The following PRELID2 variants were observed in gnomAD, a reference collection of about 807,000 sequenced individuals.
The protein encoded by PRELID2 is PRELI domain containing 2, also known as PRELI domain-containing protein 2.
PRELID2 carries 25 observed loss-of-function variants against 28.4 expected under a neutral mutation model. That is an observed-to-expected ratio of 0.88 (90% confidence interval 0.64 to 1.23). PRELID2 has a LOEUF of 1.23. Among genes scored for constraint, PRELID2 ranks in the 50% most tolerant of loss-of-function variants. PRELID2 has a pLI of 0.00. For synonymous variants in PRELID2, 76 were observed against 71.6 expected, an observed-to-expected ratio of 1.06 and a Z score of -0.31; for missense variants, 201 against 214.4, an observed-to-expected ratio of 0.94 and a Z score of 0.39.
At chr5:145,610,202 A>G (rs1865011) in intron 1 of PRELID2, among the ~76,000 whole-genome samples, 27,098 of 152,096 alleles carry the variant, frequency 0.18, 4,088 homozygotes, top group African/African-American at 0.4. Flanking sequence ...CCTTTCCCAC[A>G]TTGAAGAGGT....
At chr5:145,379,007 T>TC in the PRELID2 span, among the ~76,000 whole-genome samples, 1 of 152,196 alleles carries the variant, frequency 6.6e-6, no homozygotes, top group African/African-American at 2.4e-5. Context: ...TTCTTTTTTT[T>TC]CTATTAGATG....
chr5:145,395,971 G>A, the PRELID2 span, among the ~76,000 whole-genome samples: 2 of 152,166 alleles, frequency 1.3e-5, no homozygotes, highest in Admixed American at 6.5e-5. Flanking sequence ...GGGCTTCAAA[G>A]TACTACCTCT....
the PRELID2 span, among the ~76,000 whole-genome samples, chr5:145,269,413 A>G: frequency 6.6e-6 from 1 of 152,170 alleles, no homozygotes; most frequent in South Asian, 2.1e-4. Context: ...CTTTCCAACT[A>G]AAGATACTGG....
intron 4 of PRELID2, among the ~76,000 whole-genome samples, chr5:145,800,468 C>G (rs1228069984): frequency 6.6e-6 from 1 of 151,990 alleles, no homozygotes; most frequent in Non-Finnish European, 1.5e-5. Context: ...TGTCTTTATT[C>G]TGGATTAGTC....
At chr5:145,806,680 C>T (rs1466493718) in intron 4 of PRELID2, among the ~76,000 whole-genome samples, 1 of 152,080 alleles carries the variant, frequency 6.6e-6, no homozygotes, top group Non-Finnish European at 1.5e-5. Context: ...ATTGTAATTC[C>T]CATGTGTCAA....
At chr5:145,321,723 A>G in the PRELID2 span, among the ~76,000 whole-genome samples, 1 of 152,204 alleles carries the variant, frequency 6.6e-6, no homozygotes, top group East Asian at 1.9e-4. Context: ...TCAAAGTTAT[A>G]ATTTGCCAAG....
At chr5:145,523,619 G>A (rs552578842) in intron 1 of PRELID2, among the ~76,000 whole-genome samples, 3 of 152,042 alleles carry the variant, frequency 2.0e-5, no homozygotes, top group Non-Finnish European at 4.4e-5. Flanking sequence ...CAGGGGTTGG[G>A]TTGGGGAGGG....
chr5:145,354,989 A>T, the PRELID2 span, among the ~76,000 whole-genome samples: 1 of 152,292 alleles, frequency 6.6e-6, no homozygotes, highest in Non-Finnish European at 1.5e-5. Flanking sequence ...TTGATGATGG[A>T]ATGAAAATTC....
chr5:145,547,006 A>T (rs1752793576), intron 1 of PRELID2, among the ~76,000 whole-genome samples: 1 of 152,172 alleles, frequency 6.6e-6, no homozygotes, highest in Admixed American at 6.5e-5. Context: ...ATTAAATAAA[A>T]TACACGTGAA....
chr5:145,809,129 C>G (rs1274342351), intron 4 of PRELID2, among the ~76,000 whole-genome samples: 1 of 151,464 alleles, frequency 6.6e-6, no homozygotes, highest in Non-Finnish European at 1.5e-5. Context: ...CTCCGCCTCC[C>G]AGGCTCAAGC....
At chr5:145,765,937 G>C (rs1402575493) in intron 5 of PRELID2, among the ~76,000 whole-genome samples, 2 of 152,160 alleles carry the variant, frequency 1.3e-5, no homozygotes. Context: ...AAACAGCACA[G>C]GCACCCTCTT....
At chr5:145,780,035 G>A (rs558635680) in intron 5 of PRELID2, among the ~76,000 whole-genome samples, 153 of 152,178 alleles carry the variant, frequency 1.0e-3, no homozygotes, top group Admixed American at 2.9e-3. Flanking sequence ...AACAGGGGCC[G>A]GGCATGGTGG....
chr5:145,486,654 G>C (rs1467293482), intron 1 of PRELID2, among the ~76,000 whole-genome samples: 1 of 152,004 alleles, frequency 6.6e-6, no homozygotes, highest in Non-Finnish European at 1.5e-5. Flanking sequence ...ATAAAATTAA[G>C]GAAATAAGGG....
chr5:145,366,345 G>C, the PRELID2 span, among the ~76,000 whole-genome samples: 1 of 151,782 alleles, frequency 6.6e-6, no homozygotes, highest in Non-Finnish European at 1.5e-5. Flanking sequence ...AAAAAGGGCC[G>C]ATTATTTCCC....
chr5:145,400,554 G>A, the PRELID2 span, among the ~76,000 whole-genome samples: 2 of 152,248 alleles, frequency 1.3e-5, no homozygotes, highest in South Asian at 2.1e-4. Context: ...AGAACACGAT[G>A]TCGAATGACT....
chr5:145,506,195 G>A (rs1005198951), intron 1 of PRELID2, among the ~76,000 whole-genome samples: 3 of 152,096 alleles, frequency 2.0e-5, no homozygotes, highest in African/African-American at 7.2e-5. Context: ...TCTCTTCATT[G>A]CTTCAAATCC....
At chr5:145,274,022 C>A in the PRELID2 span, among the ~76,000 whole-genome samples, 2 of 152,058 alleles carry the variant, frequency 1.3e-5, no homozygotes, top group Admixed American at 1.3e-4. Context: ...AGAGGTAGGG[C>A]CTGGCAGGAT....
chr5:145,726,885 G>T (rs1490589951), intron 1 of PRELID2, among the ~76,000 whole-genome samples: 1 of 152,298 alleles, frequency 6.6e-6, no homozygotes. Context: ...TGAAGCTTCT[G>T]TCTGGAAGTA....
At chr5:145,740,285 T>C (rs1399958874) in intron 1 of PRELID2, among the ~76,000 whole-genome samples, 7 of 74,344 alleles carry the variant, frequency 9.4e-5, no homozygotes, top group African/African-American at 2.8e-4. Context: ...TATATATATA[T>C]ATATATATAT....
Sources: allele counts gnomAD v4.1 joint callset (sites outside exome capture counted in the v4.1 genomes callset), GRCh38; gene constraint gnomAD v4.1.1; transcripts MANE v1.5; gene names NCBI Gene and HGNC (gene_info 2026-07-23, HGNC 2026-07-21).